SV2C: variants seen among roughly 807,000 people sequenced by gnomAD.
SV2C encodes the protein synaptic vesicle glycoprotein 2C.
A neutral mutation model predicts 79.7 loss-of-function variants in SV2C; 49 were observed. The observed-to-expected ratio is 0.61, with a 90% CI of 0.49 to 0.78. The LOEUF is 0.78. Ranked by LOEUF, SV2C falls within the 30% of genes least tolerant of loss-of-function variation. The pLI is 0.00. For missense variants in SV2C, 833 were observed against 912.9 expected (o/e 0.91, Z 1.13); for synonymous variants, 334 against 333.2 (o/e 1.00, Z -0.03).
At chr5:75,849,156 A>G in the SV2C span, among the ~76,000 whole-genome samples, 1 of 152,190 alleles carries the variant, frequency 6.6e-6, no homozygotes, top group Non-Finnish European at 1.5e-5. Context: ...TAAGTTCCCA[A>G]TAAATAGTTG....
chr5:76,099,238 A>C (rs1423102), intron 1 of SV2C, among the ~76,000 whole-genome samples: 31,085 of 152,072 alleles, frequency 0.2, 4,012 homozygotes, highest in South Asian at 0.42. Context: ...AAATTTAAAA[A>C]TTGTATGATC....
At chr5:75,867,173 G>C in the SV2C span, among the ~76,000 whole-genome samples, 1 of 152,192 alleles carries the variant, frequency 6.6e-6, no homozygotes. Context: ...AGGAGACTAA[G>C]GATTGGGTAA....
At chr5:76,299,410 T>C (rs1237463342) in intron 10 of SV2C, among the ~76,000 whole-genome samples, 1 of 152,244 alleles carries the variant, frequency 6.6e-6, no homozygotes, top group Non-Finnish European at 1.5e-5. Context: ...ATATACTGTT[T>C]TCTACTCTAG....
At chr5:76,086,314 A>C (rs938779468) in intron 1 of SV2C, among the ~76,000 whole-genome samples, 1 of 152,200 alleles carries the variant, frequency 6.6e-6, no homozygotes, top group African/African-American at 2.4e-5. Flanking sequence ...TAGGAGTGTT[A>C]TCTCTTATTC....
the SV2C span, among the ~76,000 whole-genome samples, chr5:76,027,103 C>G: frequency 1.4e-5 from 2 of 144,680 alleles, no homozygotes; most frequent in Admixed American, 1.4e-4. Flanking sequence ...CTCTTGTTGC[C>G]TAGGCTGGAG....
chr5:75,903,965 A>G, the SV2C span, among the ~76,000 whole-genome samples: 1 of 152,222 alleles, frequency 6.6e-6, no homozygotes, highest in Non-Finnish European at 1.5e-5. Context: ...CAAAGAAAAA[A>G]ATAAAAGTAA....
chr5:75,984,431 G>T, the SV2C span, among the ~76,000 whole-genome samples: 15 of 152,124 alleles, frequency 9.9e-5, no homozygotes, highest in Middle Eastern at 3.4e-3. Flanking sequence ...AGCCTGTGAG[G>T]TTATTACTAT....
chr5:76,105,269 C>T (rs776448853), intron 1 of SV2C, among the ~76,000 whole-genome samples: 5 of 152,172 alleles, frequency 3.3e-5, no homozygotes, highest in South Asian at 2.1e-4. Context: ...CCACCACCAA[C>T]GCCTTGATTT....
chr5:75,883,850 AAAAAC>A, the SV2C span, among the ~76,000 whole-genome samples: 1 of 145,886 alleles, frequency 6.9e-6, no homozygotes, highest in South Asian at 2.1e-4. Context: ...TATTTAAAAA[AAAAAC>A]AAAAAAAAAA....
intron 12 of SV2C, among the ~76,000 whole-genome samples, chr5:76,310,126 AACAG>A (rs1748379114): frequency 6.6e-6 from 1 of 152,238 alleles, no homozygotes; most frequent in Admixed American, 6.5e-5. Flanking sequence ...CAGTGAACAA[AACAG>A]ACAGAAAGCT....
At chr5:76,120,717 A>G (rs1304771836) in intron 1 of SV2C, among the ~76,000 whole-genome samples, 1 of 150,362 alleles carries the variant, frequency 6.7e-6, no homozygotes, top group Admixed American at 6.6e-5. Context: ...TTATGGCTGC[A>G]TAGTATTCCA....
chr5:75,968,239 A>G, the SV2C span, among the ~76,000 whole-genome samples: 1 of 152,346 alleles, frequency 6.6e-6, no homozygotes, highest in Non-Finnish European at 1.5e-5. Context: ...AACAGAGCAG[A>G]AAAACCGGAA....
At chr5:75,961,486 G>A in the SV2C span, among the ~76,000 whole-genome samples, 1 of 151,714 alleles carries the variant, frequency 6.6e-6, no homozygotes, top group Non-Finnish European at 1.5e-5. Context: ...ACAATGTAAT[G>A]TATTTCAGAA....
chr5:76,021,483 C>A, the SV2C span, among the ~76,000 whole-genome samples: 2 of 152,202 alleles, frequency 1.3e-5, no homozygotes, highest in African/African-American at 2.4e-5. Context: ...GCCTTCCTGA[C>A]AACTCTGATG....
intron 4 of SV2C, among the ~76,000 whole-genome samples, chr5:76,217,567 T>G (rs1211143724): frequency 6.6e-6 from 1 of 152,182 alleles, no homozygotes; most frequent in African/African-American, 2.4e-5. Context: ...AGCAAAATAA[T>G]CTCGTTAGAA....
the SV2C span, among the ~76,000 whole-genome samples, chr5:75,998,082 A>G: frequency 6.6e-6 from 1 of 152,132 alleles, no homozygotes; most frequent in Non-Finnish European, 1.5e-5. Context: ...TCAGCAAACT[A>G]TCACAAGGAC....
intron 2 of SV2C, among the ~76,000 whole-genome samples, chr5:76,141,413 G>A (rs1360862865): frequency 6.6e-6 from 1 of 152,100 alleles, no homozygotes; most frequent in Non-Finnish European, 1.5e-5. Flanking sequence ...CCTCACTAAC[G>A]CTGAGAGCAC....
chr5:75,995,984 CAT>C, the SV2C span, among the ~76,000 whole-genome samples: 1 of 152,194 alleles, frequency 6.6e-6, no homozygotes, highest in South Asian at 2.1e-4. Context: ...AGAGCCAACT[CAT>C]GTGCTATATG....
chr5:75,888,445 C>T, the SV2C span, among the ~76,000 whole-genome samples: 1 of 151,874 alleles, frequency 6.6e-6, no homozygotes, highest in Non-Finnish European at 1.5e-5. Context: ...CCCTTCATCA[C>T]TCACTCCATT....
Sources: gnomAD v4.1 joint callset for allele counts (sites outside exome capture counted in the v4.1 genomes callset) on GRCh38, gnomAD v4.1.1 for gene constraint, MANE v1.5 for transcripts, NCBI Gene and HGNC (gene_info 2026-07-23, HGNC 2026-07-21) for gene names.